The following LHFPL3 variants were observed in gnomAD, a reference collection of about 807,000 sequenced individuals.
The protein encoded by LHFPL3 is LHFPL tetraspan subfamily member 3 protein.
Under a neutral mutation model 19.3 loss-of-function variants are expected in LHFPL3, and 5 were observed. The observed-to-expected ratio is 0.26, with a 90% CI of 0.14 to 0.54. The LOEUF is 0.54. Ranked by LOEUF, LHFPL3 falls within the 20% of genes least tolerant of loss-of-function variation. The probability of loss-of-function intolerance (pLI) is 0.94; values close to 1 mark genes in which losing one functional copy is unlikely to be tolerated. For synonymous variants in LHFPL3, 133 were observed against 126.2 expected, an observed-to-expected ratio of 1.05 and a Z score of -0.36; for missense variants, 249 against 307.4, an observed-to-expected ratio of 0.81 and a Z score of 1.42.
intron 2 of LHFPL3, among the ~76,000 whole-genome samples, chr7:104,875,343 C>G (rs1016163918): frequency 1.3e-5 from 2 of 152,140 alleles, no homozygotes; most frequent in Non-Finnish European, 2.9e-5. Context: ...CCTCCAAATC[C>G]TCACACCCTC....
chr7:104,781,597 A>G (rs1794715266), intron 2 of LHFPL3, among the ~76,000 whole-genome samples: 1 of 152,078 alleles, frequency 6.6e-6, no homozygotes, highest in Non-Finnish European at 1.5e-5. Flanking sequence ...CTCAACCTGC[A>G]TCTACCCTCT....
chr7:104,460,840 A>T (rs1405137072), intron 1 of LHFPL3, among the ~76,000 whole-genome samples: 1 of 152,134 alleles, frequency 6.6e-6, no homozygotes, highest in Non-Finnish European at 1.5e-5. Context: ...GAAGCTCTTA[A>T]GTTTAATTAG....
At chr7:104,870,578 C>G (rs1044811649) in intron 2 of LHFPL3, among the ~76,000 whole-genome samples, 2 of 152,212 alleles carry the variant, frequency 1.3e-5, no homozygotes, top group African/African-American at 4.8e-5. Context: ...TTTCACGAAG[C>G]TTTCAGCCAG....
intron 1 of LHFPL3, among the ~76,000 whole-genome samples, chr7:104,570,169 A>C (rs1215941781): frequency 6.6e-6 from 1 of 152,226 alleles, no homozygotes; most frequent in Non-Finnish European, 1.5e-5. Flanking sequence ...TTGGTATTAC[A>C]GAGTAAATGC....
intron 1 of LHFPL3, among the ~76,000 whole-genome samples, chr7:104,681,205 T>G (rs1004791942): frequency 1.3e-5 from 2 of 150,478 alleles, no homozygotes; most frequent in Non-Finnish European, 3.0e-5. Flanking sequence ...CTGTTTACTC[T>G]CTATCTCCCC....
At chr7:104,341,689 G>A (rs930876486) in intron 1 of LHFPL3, among the ~76,000 whole-genome samples, 2 of 152,120 alleles carry the variant, frequency 1.3e-5, no homozygotes, top group African/African-American at 4.8e-5. Context: ...AATGGGTCAG[G>A]ATCCACCAGC....
chr7:104,561,294 T>A (rs10270235), intron 1 of LHFPL3, among the ~76,000 whole-genome samples: 90 of 144,544 alleles, frequency 6.2e-4, no homozygotes, highest in African/African-American at 2.3e-3. Flanking sequence ...TTAAAGTCTC[T>A]CATTATTAAT....
At chr7:104,422,601 C>T (rs1791755956) in intron 1 of LHFPL3, among the ~76,000 whole-genome samples, 1 of 152,170 alleles carries the variant, frequency 6.6e-6, no homozygotes, top group South Asian at 2.1e-4. Context: ...ACTGCCTGGG[C>T]TTGAATTTCA....
At chr7:104,398,713 T>G (rs774073145) in intron 1 of LHFPL3, among the ~76,000 whole-genome samples, 11 of 152,228 alleles carry the variant, frequency 7.2e-5, no homozygotes, top group Non-Finnish European at 1.6e-4. Flanking sequence ...CCTGCCTGTC[T>G]CACCTTATTA....
At chr7:104,376,080 T>C (rs1386665119) in intron 1 of LHFPL3, among the ~76,000 whole-genome samples, 1 of 152,220 alleles carries the variant, frequency 6.6e-6, no homozygotes, top group African/African-American at 2.4e-5. Flanking sequence ...TACTGGGTAA[T>C]ATGTAGGATT....
intron 1 of LHFPL3, among the ~76,000 whole-genome samples, chr7:104,692,228 C>T (rs1474585672): frequency 6.6e-6 from 1 of 152,108 alleles, no homozygotes; most frequent in Non-Finnish European, 1.5e-5. Context: ...GGAAGCAGAG[C>T]ATAAAAGTTC....
At chr7:104,581,902 T>G (rs963907708) in intron 1 of LHFPL3, among the ~76,000 whole-genome samples, 19 of 152,006 alleles carry the variant, frequency 1.2e-4, no homozygotes, top group Middle Eastern at 3.2e-3. Context: ...TAATAGGTAT[T>G]AAATTCAAGT....
intron 1 of LHFPL3, among the ~76,000 whole-genome samples, chr7:104,404,039 T>C (rs1791369161): frequency 6.6e-6 from 1 of 152,188 alleles, no homozygotes; most frequent in African/African-American, 2.4e-5. Context: ...CCTTGTTCTA[T>C]AACAGTATAA....
At chr7:104,402,537 G>A (rs918884596) in intron 1 of LHFPL3, among the ~76,000 whole-genome samples, 2 of 152,138 alleles carry the variant, frequency 1.3e-5, no homozygotes, top group Non-Finnish European at 2.9e-5. Flanking sequence ...GCTGAGAATC[G>A]TATGTTTTCT....
In LHFPL3 at chr7:104,670,969, C is replaced by T. The variant is rs190116644; in HGVS notation, c.446-65706C>T. Among the ~76,000 whole-genome samples the T allele has an allele frequency of 5.2e-3, 784 of 151,954 alleles. 3 individuals are homozygous for T. Among genetic ancestry groups the T allele is most frequent in the Admixed American group, 9.9e-3 (151 of 15,250 alleles). On this transcript the variant is annotated intron_variant, in intron 1 of 2. Coordinates refer to ENST00000424859, the MANE Select transcript of LHFPL3 (RefSeq NM_199000.3). ...GCAACACAGTAGCTAAACTTGCCTGCCTTTATATGCATTTTTGTAGGGATC... is the reference window on the plus strand; with the variant it reads ...GCAACACAGTAGCTAAACTTGCCTGTCTTTATATGCATTTTTGTAGGGATC...
intron 2 of LHFPL3, among the ~76,000 whole-genome samples, chr7:104,898,006 C>CTTTTTTT (rs71155536): frequency 0.075 from 7,230 of 96,648 alleles, 888 homozygotes; most frequent in Non-Finnish European, 0.085. Flanking sequence ...AATGTCACCC[C>CTTTTTTT]TTTTTTTTTT....
intron 1 of LHFPL3, among the ~76,000 whole-genome samples, chr7:104,614,675 CCTTCCTTCTTTCTTT>C (rs1791290160): frequency 9.9e-6 from 1 of 101,024 alleles, no homozygotes; most frequent in African/African-American, 3.4e-5. Flanking sequence ...TTCCTTCCTT[CCTTCCTTCTTTCTTT>C]CTTTCTTTCT....
At chr7:104,491,975 ACAAAAACTAGGTCT>A (rs1455148741) in intron 1 of LHFPL3, among the ~76,000 whole-genome samples, 6 of 152,202 alleles carry the variant, frequency 3.9e-5, no homozygotes, top group Non-Finnish European at 7.3e-5. Flanking sequence ...TCAAAGTCAC[ACAAAAACTAGGTCT>A]ATGTTCCAAG....
At chr7:104,603,122 C>CTT (rs1562947506) in intron 1 of LHFPL3, among the ~76,000 whole-genome samples, 2 of 120,214 alleles carry the variant, frequency 1.7e-5, no homozygotes, top group African/African-American at 6.2e-5. Flanking sequence ...TTCTTTCTTT[C>CTT]TTTCTTTCTT....
Sources: allele counts gnomAD v4.1 joint callset (sites outside exome capture counted in the v4.1 genomes callset), GRCh38; gene constraint gnomAD v4.1.1; transcripts MANE v1.5; gene names NCBI Gene and HGNC (gene_info 2026-07-23, HGNC 2026-07-21).